The following TRPM3 variants were observed in gnomAD, a reference collection of about 807,000 sequenced individuals.
The protein encoded by TRPM3 is long transient receptor potential channel 3.
A neutral mutation model predicts 181.2 loss-of-function variants in TRPM3; 77 were observed. The ratio of observed to expected loss-of-function variants is 0.42; its 90% CI spans 0.35 to 0.51. The LOEUF is 0.51. Ranked by LOEUF, TRPM3 falls within the 20% of genes least tolerant of loss-of-function variation. The pLI is 0.01. For missense variants in TRPM3, 1,759 were observed against 2,196.7 expected, an observed-to-expected ratio of 0.80 and a Z score of 3.98; for synonymous variants, 745 against 796.4, an observed-to-expected ratio of 0.94 and a Z score of 1.09.
At chr9:70,852,464 C>T (rs958511172) in intron 3 of TRPM3, among the ~76,000 whole-genome samples, 2 of 152,090 alleles carry the variant, frequency 1.3e-5, no homozygotes, top group Non-Finnish European at 2.9e-5. Context: ...TTTTCCTTTA[C>T]CTATGACCAA....
At chr9:71,160,798 C>T (rs1258402268) in intron 1 of TRPM3, among the ~76,000 whole-genome samples, 1 of 152,078 alleles carries the variant, frequency 6.6e-6, no homozygotes, top group East Asian at 1.9e-4. Flanking sequence ...TGTTTATTTT[C>T]TTTTTAGAAA....
At chr9:70,795,671 C>A (rs899369941) in intron 6 of TRPM3, among the ~76,000 whole-genome samples, 1 of 152,208 alleles carries the variant, frequency 6.6e-6, no homozygotes. Flanking sequence ...CTTGTTAAGT[C>A]TTTCGAGTTC....
chr9:70,682,395 T>C (rs2065694556), intron 8 of TRPM3, among the ~76,000 whole-genome samples: 1 of 152,166 alleles, frequency 6.6e-6, no homozygotes, highest in Non-Finnish European at 1.5e-5. Context: ...TCCAGTTCCA[T>C]AACTCCTAAA....
At chr9:70,793,380 T>TG (rs1403028805) in intron 6 of TRPM3, among the ~76,000 whole-genome samples, 2 of 147,636 alleles carry the variant, frequency 1.4e-5, no homozygotes, top group Admixed American at 1.4e-4. Flanking sequence ...CACTTGAGCC[T>TG]GGGAAGTCGA....
chr9:70,914,979 G>C (rs1932924), intron 1 of TRPM3, among the ~76,000 whole-genome samples: 47,091 of 152,012 alleles, frequency 0.31, 8,474 homozygotes, highest in Non-Finnish European at 0.39. Context: ...TTCCCAAAAA[G>C]GATGGGTACA....
chr9:71,035,026 G>A lies in TRPM3; in HGVS notation c.177+86152C>T, dbSNP rs545072159. On this transcript the variant is annotated intron_variant, in intron 1 of 25. Transcript: ENST00000677713. ...CTCGAGCTTATTCCTTGTTTACAGC[G>A]GCAATTTGTAACTAATCCCATCCTG... Among the ~76,000 whole-genome samples, 25 of 151,954 alleles carry A rather than the reference G, an allele frequency of 1.6e-4. 1 individual carries two copies. In the South Asian group the frequency reaches 4.0e-3, roughly 24 times the overall value.
chr9:70,977,771 G>C (rs1318681146), intron 1 of TRPM3, among the ~76,000 whole-genome samples: 1 of 152,152 alleles, frequency 6.6e-6, no homozygotes, highest in Non-Finnish European at 1.5e-5. Context: ...TTGCTGGTTT[G>C]TTAGAAAGAA....
intron 6 of TRPM3, chr9:70,826,330 C>T (rs1023582926): frequency 2.0e-5 from 3 of 152,190 alleles, no homozygotes; most frequent in Non-Finnish European, 4.4e-5. Context: ...CTGCTGGTCT[C>T]TGTATATTTT....
At chr9:71,189,372 T>C (rs2077872454) in intron 1 of TRPM3, among the ~76,000 whole-genome samples, 2 of 151,902 alleles carry the variant, frequency 1.3e-5, no homozygotes, top group Non-Finnish European at 2.9e-5. Flanking sequence ...TGTATACGTA[T>C]GTTGTTTTAA....
chr9:71,097,653 T>A (rs1325114204), intron 1 of TRPM3, among the ~76,000 whole-genome samples: 1 of 151,810 alleles, frequency 6.6e-6, no homozygotes, highest in Non-Finnish European at 1.5e-5. Flanking sequence ...GCTTATGTGA[T>A]CTCTGCAATT....
chr9:70,938,306 C>A (rs1296943660), intron 1 of TRPM3, among the ~76,000 whole-genome samples: 2 of 152,158 alleles, frequency 1.3e-5, no homozygotes, highest in Non-Finnish European at 2.9e-5. Flanking sequence ...TTCCCTGAGT[C>A]CTGAGCCTGC....
chr9:70,984,856 G>A (rs2097403111), intron 1 of TRPM3, among the ~76,000 whole-genome samples: 1 of 152,148 alleles, frequency 6.6e-6, no homozygotes, highest in Non-Finnish European at 1.5e-5. Context: ...TACATTTGTG[G>A]TAATTTGTCT....
At chr9:71,327,383 C>A (rs1414308637) in intron 1 of TRPM3, among the ~76,000 whole-genome samples, 1 of 152,140 alleles carries the variant, frequency 6.6e-6, no homozygotes, top group Non-Finnish European at 1.5e-5. Flanking sequence ...GACTGATCAG[C>A]CATGCCATGC....
chr9:71,187,924 TAGATAGATA>T (rs1471105849), intron 1 of TRPM3, among the ~76,000 whole-genome samples: 1 of 135,834 alleles, frequency 7.4e-6, no homozygotes, highest in Non-Finnish European at 1.6e-5. Flanking sequence ...GATAGATAGA[TAGATAGATA>T]GATAGATAGA....
intron 3 of TRPM3, 48 bp downstream of exon 3, chr9:70,862,860 T>G: frequency 2.6e-5 from 42 of 1,588,062 alleles, no homozygotes; most frequent in Non-Finnish European, 3.1e-5. Context: ...TTGCAGGACT[T>G]GAGACTTGAG....
intron 20 of TRPM3, among the ~76,000 whole-genome samples, chr9:70,599,034 G>T (rs2059449710): frequency 6.6e-6 from 1 of 152,092 alleles, no homozygotes; most frequent in Non-Finnish European, 1.5e-5. Context: ...CACTTGGGAA[G>T]ACTCCTCCAT....
At chr9:70,592,825 G>A (rs1000524634) in intron 21 of TRPM3, among the ~76,000 whole-genome samples, 1 of 152,076 alleles carries the variant, frequency 6.6e-6, no homozygotes, top group African/African-American at 2.4e-5. Flanking sequence ...CAGCCTCCCG[G>A]GTTTAAGCAA....
chr9:70,687,933 C>G (rs1050050621), intron 8 of TRPM3, among the ~76,000 whole-genome samples: 1 of 152,208 alleles, frequency 6.6e-6, no homozygotes, highest in African/African-American at 2.4e-5. Flanking sequence ...TAGAACCTGC[C>G]TTCTAGAAAG....
chr9:70,694,850 G>A (rs2069801545), intron 8 of TRPM3, among the ~76,000 whole-genome samples: 1 of 152,158 alleles, frequency 6.6e-6, no homozygotes, highest in East Asian at 1.9e-4. Flanking sequence ...TATGTTTTTC[G>A]GCTGGACCAT....
Sources: allele counts gnomAD v4.1 joint callset (sites outside exome capture counted in the v4.1 genomes callset), GRCh38; gene constraint gnomAD v4.1.1; transcripts MANE v1.5; gene names NCBI Gene and HGNC (gene_info 2026-07-23, HGNC 2026-07-21).